Variants in KRT7 observed in about 807,000 individuals in gnomAD.
KRT7 encodes keratin 7.
A neutral mutation model predicts 42.8 loss-of-function variants in KRT7; 50 were observed. The ratio of observed to expected loss-of-function variants is 1.17; its 90% CI spans 0.93 to 1.48. The LOEUF (loss-of-function observed/expected upper bound fraction) is 1.48, where lower values mean the gene tolerates loss of function less well. Ranked by LOEUF, KRT7 falls within the 40% of genes most tolerant of loss-of-function variation. The pLI, the probability that KRT7 is intolerant of heterozygous loss-of-function variation, is 0.00. For synonymous variants in KRT7, 268 were observed against 266.3 expected, an observed-to-expected ratio of 1.01 and a Z score of -0.06; for missense variants, 588 against 637.6, an observed-to-expected ratio of 0.92 and a Z score of 0.84.
Position 52,248,222 on chromosome 12 carries a change from G to A in KRT7, c.1240+11G>A. 6.2e-7 allele frequency: 1 copy of A among 1,613,972 alleles called. No individual in the cohort carries two copies. The highest frequency in any genetic ancestry group is 8.5e-7 in the Non-Finnish European group (1 of 1,179,898). ...GAGCCGTGAATATCTGTAAGTCCTT[G>A]GCTGCGGCCCATGGGAAGCATCCCT... On this transcript the variant is annotated intron_variant, in intron 8 of 8. Transcript: ENST00000331817.
chr12:52,250,346 G>A (rs1012830131), downstream of KRT7: 5 of 349,576 alleles, frequency 1.4e-5, no homozygotes, highest in African/African-American at 2.3e-5. Context: ...CGTGGGGGCC[G>A]ATGGGGAGGC....
downstream of KRT7, among the ~76,000 whole-genome samples, chr12:52,249,755 G>C (rs527966803): frequency 6.6e-6 from 1 of 152,288 alleles, no homozygotes; most frequent in East Asian, 1.9e-4. Flanking sequence ...GGGACCCCAG[G>C]GGTGATGGTG....
chr12:52,245,452 G>A lies in KRT7; in HGVS notation c.1025G>A (p.Arg342His), dbSNP rs143767577. The A allele has an allele frequency of 3.0e-5, 49 of 1,614,038 alleles. No individual in the cohort carries two copies. Among genetic ancestry groups the A allele is most frequent in the South Asian group, 6.6e-5 (6 of 91,078 alleles). Reference sequence around the variant, plus strand: ...GCCGCCATTGCCGAGGCTGAGGAGCGTGGGGAGCTGGCGCTCAAGGATGCT... The same window carrying A: ...GCCGCCATTGCCGAGGCTGAGGAGCATGGGGAGCTGGCGCTCAAGGATGCT... ...LEAAIAEAEE[R>H]GELALKDARA... The change falls in exon 7 of 9, where the codon CGT becomes CAT. Residue 342 changes from arginine (R) to histidine (H), a missense_variant. Physicochemically the swap from Arg to His is conservative, Grantham distance 29. Transcript: ENST00000331817.
Position 52,233,420 on chromosome 12 carries a change from C to T in KRT7, c.124C>T (p.Leu42Phe). Residue 42 changes from leucine to phenylalanine, a missense_variant, in exon 1 of 9, where the codon CTC becomes TTC. Transcript: ENST00000331817. ...GGLGSSSLYG[L>F]GASRPRVAVR... ...CCTTGGCAGCAGCAGCCTCTACGGC[C>T]TCGGCGCCTCACGGCCGCGCGTGGC... 6.4e-7 allele frequency: 1 copy of T among 1,554,822 alleles called. No individual in the cohort carries two copies. Among genetic ancestry groups the T allele is most frequent in the African/African-American group, 1.4e-5 (1 of 69,802 alleles).
chr12:52,245,757 C>A (rs1565721866), intron 7 of KRT7, 125 bp downstream of exon 7: 2 of 1,213,228 alleles, frequency 1.6e-6, no homozygotes, highest in Non-Finnish European at 2.3e-6. Context: ...TGTGGGGATG[C>A]AGGGAACACA....
At chr12:52,253,218 A>G (rs1361936397), downstream of KRT7, 2 of 1,607,066 alleles carry the variant, frequency 1.2e-6, no homozygotes, top group African/African-American at 1.3e-5. Flanking sequence ...CATACCTGGC[A>G]CTTGGCGTTC....
chr12:52,243,235 C>T, intron 6 of KRT7, 98 bp downstream of exon 6: 3 of 1,395,282 alleles, frequency 2.2e-6, no homozygotes, highest in Non-Finnish European at 1.9e-6. Context: ...TTCCCATCTC[C>T]CGGCCAAAGC....
intron 3 of KRT7, 83 bp downstream of exon 3, chr12:52,237,652 A>T: frequency 8.2e-7 from 1 of 1,220,996 alleles, no homozygotes; most frequent in Non-Finnish European, 1.2e-6. Context: ...TGAGCAGCCC[A>T]TGGGGACCTC....
Position 52,245,561 on chromosome 12 carries a change from C to T in KRT7, c.1134C>T (p.Leu378=). 1 of 1,614,180 alleles carries T rather than the reference C, an allele frequency of 6.2e-7. No homozygotes were observed. Among genetic ancestry groups the T allele is most frequent in the Admixed American group, 1.7e-5 (1 of 60,032 alleles). The change falls in exon 7 of 9, where the codon CTC becomes CTT. Residue 378 remains leucine, a synonymous_variant. Coordinates refer to ENST00000331817, the MANE Select transcript of KRT7 (RefSeq NM_005556.4). ...GGCAGCTGCGTGAGTACCAGGAACT[C>T]ATGAGCGTGAAGCTGGCCCTGGACA... The part of the protein sequence containing the change: ...MARQLREYQE[L]MSVKLALDIE...
chr12:52,234,941 CG>C (rs1941988511), intron 1 of KRT7, among the ~76,000 whole-genome samples: 1 of 152,190 alleles, frequency 6.6e-6, no homozygotes, highest in Non-Finnish European at 1.5e-5. Flanking sequence ...GAGTCAACCA[CG>C]GGGCACTTCC....
intron 8 of KRT7, 79 bp from the exon 9 acceptor site, chr12:52,248,512 A>G (rs1592397879): frequency 7.3e-7 from 1 of 1,378,924 alleles, no homozygotes; most frequent in Non-Finnish European, 9.9e-7. Flanking sequence ...CTGGGGCAGG[A>G]GGGTGGGGTG....
chr12:52,237,875 A>G lies in KRT7; in HGVS notation c.597+306A>G, dbSNP rs1288423653. On this transcript the variant is annotated intron_variant, in intron 3 of 8. Coordinates refer to ENST00000331817, the MANE Select transcript of KRT7 (RefSeq NM_005556.4). The stretch of plus-strand genomic sequence containing the variant: ...TAAGGAGTGCTCTATTCAAGCCAGA[A>G]CATTTTCATCACAAAGGTGTTGCTT... Among the ~76,000 whole-genome samples the G allele has an allele frequency of 3.3e-5, 5 of 152,292 alleles. No individual in the cohort carries two copies. The East Asian group carries it at 9.6e-4, about 29-fold the overall frequency.
intron 4 of KRT7, among the ~76,000 whole-genome samples, 154 bp downstream of exon 4, chr12:52,238,929 T>C (rs1238555651): frequency 6.6e-6 from 1 of 152,204 alleles, no homozygotes; most frequent in Non-Finnish European, 1.5e-5. Context: ...CTCAGAGACC[T>C]GGAGAACAGC....
Sources: gnomAD v4.1 joint callset for allele counts (sites outside exome capture counted in the v4.1 genomes callset) on GRCh38, gnomAD v4.1.1 for gene constraint, MANE v1.5 for transcripts, NCBI Gene and HGNC (gene_info 2026-07-23, HGNC 2026-07-21) for gene names.